Variants in NRG1 observed in about 807,000 individuals in gnomAD.
The protein encoded by NRG1 is pro-neuregulin-1, membrane-bound isoform.
NRG1 carries 18 observed loss-of-function variants against 63.8 expected under a neutral mutation model. That is an observed-to-expected ratio of 0.28 (90% CI 0.19 to 0.42). The LOEUF is 0.42. Among genes scored for constraint, NRG1 ranks in the 10% least tolerant of loss-of-function variants. The probability of loss-of-function intolerance (pLI) is 1.00; values close to 1 mark genes in which losing one functional copy is unlikely to be tolerated. For synonymous variants in NRG1, 302 were observed against 301.3 expected (o/e 1.00, Z -0.02); for missense variants, 762 against 814.7 (o/e 0.94, Z 0.79).
At chr8:32,245,077 G>C (rs560800524) in intron 1 of NRG1, among the ~76,000 whole-genome samples, 1 of 152,266 alleles carries the variant, frequency 6.6e-6, no homozygotes, top group Admixed American at 6.5e-5. Flanking sequence ...CTTTTCACCA[G>C]AATTTGTTAG....
chr8:32,118,220 G>C (rs939425535), intron 1 of NRG1, among the ~76,000 whole-genome samples: 2 of 152,094 alleles, frequency 1.3e-5, no homozygotes, highest in Admixed American at 1.3e-4. Context: ...CATGAGGGCA[G>C]ATCCTTCATG....
chr8:32,138,482 C>T (rs1835831230), intron 1 of NRG1, among the ~76,000 whole-genome samples: 1 of 151,950 alleles, frequency 6.6e-6, no homozygotes, highest in Non-Finnish European at 1.5e-5. Flanking sequence ...GAAATGGTAA[C>T]CAGGACACAT....
chr8:32,025,915 C>A (rs113232538), intron 1 of NRG1, among the ~76,000 whole-genome samples: 11,174 of 138,560 alleles, frequency 0.081, 1,451 homozygotes, highest in African/African-American at 0.28. Context: ...CGCTGCATTA[C>A]GGCCTGGCCG....
chr8:32,067,466 G>A (rs1025114703), intron 1 of NRG1, among the ~76,000 whole-genome samples: 8 of 152,082 alleles, frequency 5.3e-5, no homozygotes, highest in Non-Finnish European at 1.0e-4. Flanking sequence ...TTTGTCTTTG[G>A]TTCTGTTTAT....
At chr8:31,789,406 C>A (rs1349234694) in intron 1 of NRG1, among the ~76,000 whole-genome samples, 2 of 152,166 alleles carry the variant, frequency 1.3e-5, no homozygotes, top group African/African-American at 4.8e-5. Flanking sequence ...GGCTTTCAGC[C>A]TGACTTTCAG....
At chr8:31,986,706 A>C (rs1290787264) in intron 1 of NRG1, among the ~76,000 whole-genome samples, 1 of 152,138 alleles carries the variant, frequency 6.6e-6, no homozygotes, top group Non-Finnish European at 1.5e-5. Context: ...ATTCTAAAGG[A>C]AGAACGGCTG....
chr8:32,115,465 G>A (rs1052833338), intron 1 of NRG1, among the ~76,000 whole-genome samples: 2 of 152,014 alleles, frequency 1.3e-5, no homozygotes, highest in Admixed American at 1.3e-4. Flanking sequence ...CAAAAAAAGA[G>A]AAAATATATT....
chr8:31,648,647 T>A (rs758404614), intron 1 of NRG1, among the ~76,000 whole-genome samples: 1 of 152,242 alleles, frequency 6.6e-6, no homozygotes. Flanking sequence ...TTAAGTGGAA[T>A]CATATGGTAT....
At chr8:32,433,657 A>G (rs1818441599) in intron 1 of NRG1, among the ~76,000 whole-genome samples, 1 of 152,092 alleles carries the variant, frequency 6.6e-6, no homozygotes, top group African/African-American at 2.4e-5. Flanking sequence ...TGTAAAGGGT[A>G]TTGTTTCGGT....
intron 1 of NRG1, among the ~76,000 whole-genome samples, chr8:31,832,155 AC>A (rs1825223356): frequency 6.6e-6 from 1 of 152,106 alleles, no homozygotes; most frequent in Non-Finnish European, 1.5e-5. Flanking sequence ...ATCCAACTGT[AC>A]TTAGGGACTA....
At chr8:32,700,774 T>G (rs918835335) in intron 5 of NRG1, among the ~76,000 whole-genome samples, 1 of 152,236 alleles carries the variant, frequency 6.6e-6, no homozygotes, top group African/African-American at 2.4e-5. Context: ...GTGAGCACAC[T>G]GATACATTTT....
At chr8:31,770,241 A>T (rs890869404) in intron 1 of NRG1, among the ~76,000 whole-genome samples, 4 of 152,176 alleles carry the variant, frequency 2.6e-5, no homozygotes, top group African/African-American at 9.7e-5. Flanking sequence ...GTGAGTTAAG[A>T]AAAACTTCTG....
At chr8:32,186,036 C>T (rs1229302972) in intron 1 of NRG1, among the ~76,000 whole-genome samples, 1 of 152,184 alleles carries the variant, frequency 6.6e-6, no homozygotes, top group Non-Finnish European at 1.5e-5. Flanking sequence ...AAAGCATTTT[C>T]CTCAAAGTAT....
chr8:32,766,165 G>T (rs1344894050), exon 12 of NRG1: 2 of 152,186 alleles, frequency 1.3e-5, no homozygotes, highest in African/African-American at 4.8e-5. Context: ...GAAATGACAT[G>T]CAAGTAGGTC....
At chr8:31,755,565 A>G (rs764393070) in intron 1 of NRG1, among the ~76,000 whole-genome samples, 5 of 152,074 alleles carry the variant, frequency 3.3e-5, no homozygotes, top group Non-Finnish European at 7.4e-5. Context: ...CTTGAACCTC[A>G]CTGTGTTCAG....
chr8:32,236,966 C>T (rs372801571), intron 1 of NRG1, among the ~76,000 whole-genome samples: 4 of 151,954 alleles, frequency 2.6e-5, no homozygotes, highest in African/African-American at 4.8e-5. Context: ...AGAGATGTAC[C>T]GCGAACCCAA....
At chr8:31,723,172 C>A (rs1813092150) in intron 1 of NRG1, among the ~76,000 whole-genome samples, 1 of 152,002 alleles carries the variant, frequency 6.6e-6, no homozygotes, top group Non-Finnish European at 1.5e-5. Flanking sequence ...TGATTTCTTG[C>A]TGGGATCTAT....
At chr8:31,986,197 T>C (rs1243748294) in intron 1 of NRG1, among the ~76,000 whole-genome samples, 1 of 152,046 alleles carries the variant, frequency 6.6e-6, no homozygotes, top group Non-Finnish European at 1.5e-5. Context: ...TTTCTTTGGG[T>C]AGATTTCTCA....
chr8:32,186,654 A>T (rs1272754052), intron 1 of NRG1, among the ~76,000 whole-genome samples: 1 of 152,152 alleles, frequency 6.6e-6, no homozygotes, highest in East Asian at 1.9e-4. Flanking sequence ...TTGTAAGAAA[A>T]GCAGAATCTC....
Sources: gnomAD v4.1 joint callset for allele counts (sites outside exome capture counted in the v4.1 genomes callset) on GRCh38, gnomAD v4.1.1 for gene constraint, MANE v1.5 for transcripts, NCBI Gene and HGNC (gene_info 2026-07-23, HGNC 2026-07-21) for gene names.